Variants in UGT1A10 observed in about 807,000 individuals in gnomAD.
UGT1A10 encodes UDP-glucuronosyltransferase 1A10.
A neutral mutation model predicts 45.8 loss-of-function variants in UGT1A10; 49 were observed. The observed-to-expected ratio is 1.07, with a 90% CI of 0.85 to 1.36. The LOEUF is 1.36. Ranked by LOEUF, UGT1A10 falls within the 40% of genes most tolerant of loss-of-function variation. The pLI, the probability that UGT1A10 is intolerant of heterozygous loss-of-function variation, is 0.00. For synonymous variants in UGT1A10, 284 were observed against 249.7 expected (o/e 1.14, Z -1.29); for missense variants, 745 against 668.6 (o/e 1.11, Z -1.26).
intron 1 of UGT1A10, among the ~76,000 whole-genome samples, chr2:233,687,548 T>A (rs1178051446): frequency 8.0e-6 from 1 of 124,724 alleles, no homozygotes; most frequent in Non-Finnish European, 1.6e-5. Context: ...CTCAAGTAAG[T>A]GGGGGAGCCA....
intron 1 of UGT1A10, among the ~76,000 whole-genome samples, chr2:233,653,110 C>G (rs2073779522): frequency 6.6e-6 from 1 of 152,150 alleles, no homozygotes. Context: ...CCCAAAAGAC[C>G]TGAAATTTCA....
rs561946796 is a variant in UGT1A10, at chr2:233,772,692, G to A, written c.*133G>A. Reference sequence around the variant, plus strand: ...TGCATAAATTAATCAGCCCCAGAGTGCTTTAAAAAATTCTCTTAAATAAAA... The same window carrying A: ...TGCATAAATTAATCAGCCCCAGAGTACTTTAAAAAATTCTCTTAAATAAAA... On this transcript the variant is annotated 3_prime_UTR_variant, in exon 5 of 5. Coordinates refer to ENST00000344644, the MANE Select transcript of UGT1A10 (RefSeq NM_019075.4). 1.0e-4 allele frequency: 156 copies of A among 1,485,828 alleles called. No homozygotes were observed. In the South Asian group the frequency reaches 1.7e-3, roughly 16 times the overall value. 92.0% of individuals were successfully genotyped at this position (1,485,828 alleles called of 1,614,324 possible). A position where few individuals can be genotyped will look rare whatever the true frequency, so the allele number is the denominator to read the frequency against.
At position 233,760,622 on chromosome 2, in the gene UGT1A10, C is replaced by G. The variant is rs766978023; in HGVS notation, c.856-6412C>G. The G allele has an allele frequency of 2.5e-6, 4 of 1,614,144 alleles. No individual in the cohort carries two copies. The East Asian group carries it at 8.9e-5, about 36-fold the overall frequency. ...TCTTTCCTGCAGCGTGTGATCAAAA[C>G]ATACAAGAAAATAAAAAAGGACTCT... On this transcript the variant is annotated intron_variant, in intron 1 of 4. Coordinates refer to ENST00000344644, the MANE Select transcript of UGT1A10 (RefSeq NM_019075.4).
At chr2:233,683,169 C>T (rs749915712) in intron 1 of UGT1A10, among the ~76,000 whole-genome samples, 7 of 151,982 alleles carry the variant, frequency 4.6e-5, no homozygotes, top group South Asian at 2.1e-4. Context: ...TGAAATTATA[C>T]TATGTATATG....
intron 1 of UGT1A10, among the ~76,000 whole-genome samples, chr2:233,663,080 A>G (rs545505178): frequency 1.8e-4 from 28 of 152,284 alleles, no homozygotes; most frequent in African/African-American, 6.7e-4. Flanking sequence ...ATTCATCTGC[A>G]GAACTCTCTT....
In UGT1A10 at chr2:233,725,005, C is replaced by T. The variant is rs1205607932; in HGVS notation, c.856-42029C>T. 3.6e-4 allele frequency among the ~76,000 whole-genome samples: 53 copies of T among 147,398 alleles called. 3 individuals carry two copies. The highest frequency in any genetic ancestry group is 1.3e-3 in the African/African-American group (50 of 39,416). The stretch of plus-strand genomic sequence containing the variant: ...CGCGGTTAGGGGCTGGAGACCGGCC[C>T]GGCCAAACAGCAAAACCCGGTCTCC... On this transcript the variant is annotated intron_variant, in intron 1 of 4. Transcript: ENST00000344644.
chr2:233,767,071 G>T lies in UGT1A10; in HGVS notation c.893G>T (p.Gly298Val). 6.2e-7 allele frequency: 1 copy of T among 1,614,098 alleles called. No homozygotes were observed. ...TACATTAATGCTTCTGGAGAACATG[G>T]AATTGTGGTTTTCTCTTTGGGATCA... ...EAYINASGEH[G>V]IVVFSLGSMV... The change falls in exon 2 of 5, where the codon GGA becomes GTA. Residue 298 changes from glycine (G) to valine (V), a missense_variant. Gly to Val is a moderately radical substitution (Grantham distance 109). Coordinates refer to ENST00000344644, the MANE Select transcript of UGT1A10 (RefSeq NM_019075.4).
At position 233,765,603 on chromosome 2, in the gene UGT1A10, T is replaced by C. The variant is rs376691829; in HGVS notation, c.856-1431T>C. ...GGGGAACAACACACACCAGGGCTTG[T>C]GGCGGGGTGAGGGGTGAGGGGAGGA... On this transcript the variant is annotated intron_variant, in intron 1 of 4. Coordinates refer to ENST00000344644, the MANE Select transcript of UGT1A10 (RefSeq NM_019075.4). Among the ~76,000 whole-genome samples, 8 of 151,018 alleles carry C rather than the reference T, an allele frequency of 5.3e-5. No individual in the cohort carries two copies. In the East Asian group the frequency reaches 5.8e-4, roughly 11 times the overall value.
chr2:233,671,862 C>T lies in UGT1A10; in HGVS notation c.855+34485C>T, dbSNP rs576735288. Reference sequence around the variant, plus strand: ...CCCTCTATTGGGGTCAGGTTTTGTGCTGGTATTTCTCCCACCTACTGTATC... The same window carrying T: ...CCCTCTATTGGGGTCAGGTTTTGTGTTGGTATTTCTCCCACCTACTGTATC... On this transcript the variant is annotated intron_variant, in intron 1 of 4. Transcript: ENST00000344644. The T allele has an allele frequency of 9.2e-6, 14 of 1,513,722 alleles. No individual in the cohort carries two copies. In the South Asian group the frequency reaches 1.8e-4, roughly 19 times the overall value. The allele number at this position is 1,513,722 out of a possible 1,614,324, so 93.8% of individuals were successfully genotyped here.
At chr2:233,695,257 C>T (rs1220759210) in intron 1 of UGT1A10, among the ~76,000 whole-genome samples, 1 of 151,850 alleles carries the variant, frequency 6.6e-6, no homozygotes, top group African/African-American at 2.4e-5. Flanking sequence ...TCCTGAGTAG[C>T]TGGGACTATA....
chr2:233,645,273 A>C lies in UGT1A10; in HGVS notation c.855+7896A>C, dbSNP rs187152667. Among the ~76,000 whole-genome samples, 339 of 152,274 alleles carry C rather than the reference A, an allele frequency of 2.2e-3. 1 individual carries two copies. The highest frequency in any genetic ancestry group is 7.7e-3 in the African/African-American group (318 of 41,534). Reference sequence around the variant, plus strand: ...AATTTTCCCACCAGGATCCTCCCACAACAGTGGGAATTGTGGGAGTTACAA... The same window carrying C: ...AATTTTCCCACCAGGATCCTCCCACCACAGTGGGAATTGTGGGAGTTACAA... On this transcript the variant is annotated intron_variant, in intron 1 of 4. Transcript: ENST00000344644.
chr2:233,667,674 C>T (rs903412445), intron 1 of UGT1A10, among the ~76,000 whole-genome samples: 1 of 152,140 alleles, frequency 6.6e-6, no homozygotes, highest in Non-Finnish European at 1.5e-5. Context: ...TGAACTCAGA[C>T]AAATTTACAA....
chr2:233,697,011 C>T (rs1017901649), intron 1 of UGT1A10, among the ~76,000 whole-genome samples: 2 of 151,922 alleles, frequency 1.3e-5, no homozygotes, highest in African/African-American at 2.4e-5. Context: ...CATCTATGTT[C>T]GTCAGAGATA....
At chr2:233,704,656 C>A (rs1490809215) in intron 1 of UGT1A10, among the ~76,000 whole-genome samples, 3 of 151,996 alleles carry the variant, frequency 2.0e-5, no homozygotes, top group Non-Finnish European at 2.9e-5. Flanking sequence ...ATTTTTGGTT[C>A]TTTTCCTTTG....
At chr2:233,651,505 C>T (rs2073740934) in intron 1 of UGT1A10, among the ~76,000 whole-genome samples, 1 of 152,006 alleles carries the variant, frequency 6.6e-6, no homozygotes, top group African/African-American at 2.4e-5. Context: ...ATATTTTTTG[C>T]ATATCTTTAT....
rs186471265 is a variant in UGT1A10 at position 233,644,735 on chromosome 2, G to C, written c.855+7358G>C. Among the ~76,000 whole-genome samples the C allele has an allele frequency of 6.2e-4, 95 of 152,178 alleles. 1 individual carries two copies. Among genetic ancestry groups the C allele is most frequent in the African/African-American group, 2.2e-3 (90 of 41,508 alleles). ...TCTCTTTATGCCACACCGCCACTGT[G>C]GGTTCAGGGGGTTGGGTGACATAGG... On this transcript the variant is annotated intron_variant, in intron 1 of 4. Transcript: ENST00000344644.
Position 233,682,666 on chromosome 2 carries a change from T to C in UGT1A10, c.855+45289T>C, listed in dbSNP as rs140179150. ...TCCAAACCCCTGTCACGGCATATGA[T>C]CTCTACAGCCACACATCAATTTGGT... On this transcript the variant is annotated intron_variant, in intron 1 of 4. Transcript: ENST00000344644. 1.0e-4 allele frequency: 166 copies of C among 1,613,914 alleles called. No homozygotes were observed. Among genetic ancestry groups the C allele is most frequent in the Middle Eastern group, 8.3e-4 (5 of 6,054 alleles).
intron 1 of UGT1A10, among the ~76,000 whole-genome samples, chr2:233,764,762 A>G (rs1448451732): frequency 6.6e-6 from 1 of 152,160 alleles, no homozygotes; most frequent in Admixed American, 6.5e-5. Flanking sequence ...GACCCTAGGG[A>G]GGAAGGAGTT....
At chr2:233,659,965 G>C (rs982101740) in intron 1 of UGT1A10, among the ~76,000 whole-genome samples, 9 of 152,094 alleles carry the variant, frequency 5.9e-5, no homozygotes, top group South Asian at 2.1e-4. Flanking sequence ...AATTCCTCAG[G>C]TGTGGTGTCT....
Sources: allele counts gnomAD v4.1 joint callset (sites outside exome capture counted in the v4.1 genomes callset), GRCh38; gene constraint gnomAD v4.1.1; transcripts MANE v1.5; gene names NCBI Gene and HGNC (gene_info 2026-07-23, HGNC 2026-07-21).